The following BICC1 variants were observed in gnomAD, a reference collection of about 807,000 sequenced individuals.
The protein encoded by BICC1 is BicC family RNA binding protein 1, also known as protein bicaudal C homolog 1.
A neutral mutation model predicts 111.0 loss-of-function variants in BICC1; 43 were observed. That is an observed-to-expected ratio of 0.39 (90% CI 0.30 to 0.50). The LOEUF (loss-of-function observed/expected upper bound fraction) is 0.50, where lower values mean the gene tolerates loss of function less well. Ranked by LOEUF, BICC1 falls within the 20% of genes least tolerant of loss-of-function variation. The pLI is 0.88. For missense variants in BICC1, 1,091 were observed against 1,203.2 expected, an observed-to-expected ratio of 0.91 and a Z score of 1.38; for synonymous variants, 467 against 434.4, an observed-to-expected ratio of 1.07 and a Z score of -0.93.
chr10:58,582,709 G>A (rs1844316211), intron 1 of BICC1, among the ~76,000 whole-genome samples: 2 of 152,118 alleles, frequency 1.3e-5, no homozygotes, highest in South Asian at 4.1e-4. Context: ...CCTGGGGGAG[G>A]TTCATTTCCT....
chr10:58,823,514 C>T, intron 20 of BICC1: 1 of 984,098 alleles, frequency 1.0e-6, no homozygotes, highest in Non-Finnish European at 1.2e-6. Context: ...GTTGGATTCC[C>T]TTGTGATCAT....
At chr10:58,729,842 A>G (rs1460913186) in intron 3 of BICC1, among the ~76,000 whole-genome samples, 2 of 152,162 alleles carry the variant, frequency 1.3e-5, no homozygotes, top group African/African-American at 2.4e-5. Context: ...TCCATGAAGA[A>G]TCCACCCAAT....
In BICC1 at chr10:58,663,656, G is replaced by C. The variant is rs138491380; in HGVS notation, c.238-38418G>C. 3.9e-5 allele frequency among the ~76,000 whole-genome samples: 6 copies of C among 152,282 alleles called. No individual in the cohort carries two copies. The East Asian group carries it at 1.2e-3, about 29-fold the overall frequency. On this transcript the variant is annotated intron_variant, in intron 2 of 20. Transcript: ENST00000373886. ...GTGAACTGTGCATTCAAGGGATCTA[G>C]GTTATGCACTCCTTATGAGAATCTA...
chr10:58,815,699 C>CA (rs1050932483), intron 18 of BICC1, among the ~76,000 whole-genome samples: 48 of 138,958 alleles, frequency 3.5e-4, no homozygotes, highest in Admixed American at 4.3e-4. Context: ...TAGTTAAGAC[C>CA]AAAAAAAAAA....
intron 3 of BICC1, among the ~76,000 whole-genome samples, chr10:58,741,712 C>G (rs1327128092): frequency 3.3e-5 from 5 of 152,024 alleles, no homozygotes; most frequent in Admixed American, 6.6e-5. Context: ...GATTGTGTAC[C>G]TAGTAAGAAT....
At chr10:58,626,489 A>G (rs2132158290) in intron 2 of BICC1, among the ~76,000 whole-genome samples, 1 of 152,272 alleles carries the variant, frequency 6.6e-6, no homozygotes, top group South Asian at 2.1e-4. Context: ...TTTATACCTT[A>G]TGATTTACTC....
chr10:58,698,235 G>A (rs1840123628), intron 2 of BICC1, among the ~76,000 whole-genome samples: 1 of 152,124 alleles, frequency 6.6e-6, no homozygotes, highest in South Asian at 2.1e-4. Flanking sequence ...GGGTATTAGT[G>A]TGCACAGCCG....
chr10:58,519,248 G>A (rs1759158293), intron 1 of BICC1, among the ~76,000 whole-genome samples: 1 of 152,072 alleles, frequency 6.6e-6, no homozygotes, highest in African/African-American at 2.4e-5. Flanking sequence ...GGCGGAAGAA[G>A]AAAAATTATT....
At chr10:58,797,007 A>G (rs1409807816) in intron 10 of BICC1, among the ~76,000 whole-genome samples, 1 of 152,156 alleles carries the variant, frequency 6.6e-6, no homozygotes, top group Non-Finnish European at 1.5e-5. Flanking sequence ...ATACAAAGGA[A>G]ATCTAGTCAG....
intron 1 of BICC1, among the ~76,000 whole-genome samples, chr10:58,562,716 C>T (rs984857542): frequency 1.3e-4 from 19 of 150,802 alleles, no homozygotes; most frequent in African/African-American, 4.6e-4. Flanking sequence ...TATCTGTGCT[C>T]ACTGCTTCTG....
chr10:58,765,204 C>T (rs987675970), intron 3 of BICC1, among the ~76,000 whole-genome samples: 3 of 152,066 alleles, frequency 2.0e-5, no homozygotes, highest in Admixed American at 6.6e-5. Flanking sequence ...GCTTCGGCCT[C>T]GCAAGCCTGG....
chr10:58,785,304 A>C (rs772491320), intron 4 of BICC1, among the ~76,000 whole-genome samples: 10 of 152,170 alleles, frequency 6.6e-5, no homozygotes, highest in Non-Finnish European at 1.3e-4. Flanking sequence ...ACACACACCT[A>C]TATGTACCTA....
At chr10:58,585,263 T>C (rs190480624) in intron 1 of BICC1, among the ~76,000 whole-genome samples, 2 of 152,336 alleles carry the variant, frequency 1.3e-5, no homozygotes, top group Admixed American at 6.5e-5. Context: ...CCTGTCCAAC[T>C]GTGACACAAA....
intron 3 of BICC1, among the ~76,000 whole-genome samples, chr10:58,749,766 G>T (rs1841934139): frequency 6.6e-6 from 1 of 152,136 alleles, no homozygotes; most frequent in Admixed American, 6.6e-5. Context: ...TGTCCAAGGA[G>T]CCAGGCACCC....
rs1251033933 is a variant in BICC1 at position 58,798,518 on chromosome 10, ACATTATGGG to A, written c.1489_1497del (p.Leu497_Ala499del). On this transcript the variant is annotated inframe_deletion, in exon 11 of 21. Coordinates refer to ENST00000373886, the MANE Select transcript of BICC1 (RefSeq NM_001080512.3). ...TCCAAGTTCTGGTACACCCAGCCCC[ACATTATGGG>A]CACCCCCACTTGCTAATACTTCAAG... is the stretch of plus-strand genomic sequence containing the variant. The A allele has an allele frequency of 6.2e-7, 1 of 1,611,700 alleles. No individual in the cohort carries two copies. Among genetic ancestry groups the A allele is most frequent in the Non-Finnish European group, 8.5e-7 (1 of 1,179,076 alleles).
intron 2 of BICC1, among the ~76,000 whole-genome samples, chr10:58,671,385 T>C (rs1839179705): frequency 2.6e-5 from 4 of 152,140 alleles, no homozygotes; most frequent in Admixed American, 2.6e-4. Flanking sequence ...GGCCCTTATC[T>C]TCATAATCCA....
At chr10:58,682,651 C>CT (rs1373558794) in intron 2 of BICC1, among the ~76,000 whole-genome samples, 1 of 152,124 alleles carries the variant, frequency 6.6e-6, no homozygotes, top group African/African-American at 2.4e-5. Context: ...TGTCATGTGT[C>CT]TGTTTCATGT....
chr10:58,695,196 C>G (rs1235214072), intron 2 of BICC1, among the ~76,000 whole-genome samples: 1 of 152,128 alleles, frequency 6.6e-6, no homozygotes, highest in Non-Finnish European at 1.5e-5. Flanking sequence ...GCAGAACCCT[C>G]TAATGTCTCA....
intron 3 of BICC1, among the ~76,000 whole-genome samples, chr10:58,766,467 A>G (rs1039666680): frequency 6.6e-6 from 1 of 152,218 alleles, no homozygotes; most frequent in Non-Finnish European, 1.5e-5. Context: ...AGTGATATAA[A>G]TAATAGTAAA....
Sources: allele counts gnomAD v4.1 joint callset (sites outside exome capture counted in the v4.1 genomes callset), GRCh38; gene constraint gnomAD v4.1.1; transcripts MANE v1.5; gene names NCBI Gene and HGNC (gene_info 2026-07-23, HGNC 2026-07-21).